Variants in GALNT17 observed in about 807,000 individuals in gnomAD.
GALNT17 encodes polypeptide N-acetylgalactosaminyltransferase 17.
GALNT17 carries 29 observed loss-of-function variants against 63.7 expected under a neutral mutation model. The observed-to-expected ratio is 0.46, with a 90% CI of 0.34 to 0.62. The LOEUF is 0.62. Among genes scored for constraint, GALNT17 ranks in the 20% least tolerant of loss-of-function variants. The pLI is 0.01. For missense variants in GALNT17, 603 were observed against 799.6 expected, an observed-to-expected ratio of 0.75 and a Z score of 2.97; for synonymous variants, 305 against 318.3, an observed-to-expected ratio of 0.96 and a Z score of 0.45.
At chr7:71,284,484 C>G (rs1790836351) in intron 1 of GALNT17, 1 of 152,182 alleles carries the variant, frequency 6.6e-6, no homozygotes, top group African/African-American at 2.4e-5. Flanking sequence ...GCGTGAGCCA[C>G]CACACCAGGC....
chr7:71,547,637 G>A (rs568926819), intron 5 of GALNT17, among the ~76,000 whole-genome samples: 21 of 152,176 alleles, frequency 1.4e-4, no homozygotes, highest in African/African-American at 4.8e-4. Flanking sequence ...GCCTGCAGCA[G>A]GAGTGAAACC....
intron 1 of GALNT17, among the ~76,000 whole-genome samples, chr7:71,204,332 G>C (rs1562912455): frequency 1.3e-5 from 2 of 152,106 alleles, no homozygotes; most frequent in East Asian, 3.9e-4. Context: ...CAGGTAGTGT[G>C]ATGCCTCCAG....
intron 5 of GALNT17, among the ~76,000 whole-genome samples, chr7:71,527,435 G>A (rs1162843053): frequency 6.6e-6 from 1 of 152,168 alleles, no homozygotes; most frequent in Non-Finnish European, 1.5e-5. Context: ...GTAATTGAAA[G>A]GAGCCCTGAG....
At chr7:71,143,889 AAAG>A (rs1309491884) in intron 1 of GALNT17, among the ~76,000 whole-genome samples, 1 of 151,836 alleles carries the variant, frequency 6.6e-6, no homozygotes, top group Non-Finnish European at 1.5e-5. Context: ...AAAAAAAAAA[AAAG>A]AGTGCAGCAG....
intron 6 of GALNT17, among the ~76,000 whole-genome samples, chr7:71,629,854 T>C (rs1455875903): frequency 6.6e-6 from 1 of 152,200 alleles, no homozygotes; most frequent in African/African-American, 2.4e-5. Context: ...ACTCCTGAAC[T>C]CAAGCAGTCC....
At chr7:71,241,416 C>T (rs1172534786) in intron 1 of GALNT17, among the ~76,000 whole-genome samples, 1 of 152,166 alleles carries the variant, frequency 6.6e-6, no homozygotes, top group African/African-American at 2.4e-5. Flanking sequence ...ATGATACTTC[C>T]CAGCTTCTCT....
At chr7:71,573,240 C>G (rs1789480085) in intron 6 of GALNT17, among the ~76,000 whole-genome samples, 2 of 152,022 alleles carry the variant, frequency 1.3e-5, no homozygotes, top group Admixed American at 1.3e-4. Context: ...GAACTCCTGA[C>G]CTTAGCTGAT....
rs1178665052 is a variant in GALNT17, at chr7:71,553,425, T to A, written c.963-17860T>A. On this transcript the variant is annotated intron_variant, in intron 5 of 10. Coordinates refer to ENST00000333538, the MANE Select transcript of GALNT17 (RefSeq NM_022479.3). ...ACAGTCTCAGAGGCAGAAGTCATTA[T>A]TATCCTTTATGATAAATTCCTAAGA... Among the ~76,000 whole-genome samples, 3 of 152,188 alleles carry A rather than the reference T, an allele frequency of 2.0e-5. No homozygotes were observed. The East Asian group carries it at 5.8e-4, about 29-fold the overall frequency.
In GALNT17 at chr7:71,599,598, G is replaced by A. The variant is rs190001000; in HGVS notation, c.1080+28196G>A. Among the ~76,000 whole-genome samples, 676 of 152,102 alleles carry A rather than the reference G, an allele frequency of 4.4e-3. 15 individuals are homozygous for A. Among genetic ancestry groups the A allele is most frequent in the Non-Finnish European group, 6.0e-3 (407 of 68,000 alleles). On this transcript the variant is annotated intron_variant, in intron 6 of 10. Transcript: ENST00000333538. ...AGCCTAGGCTGTTTCTTCTGCCTGA[G>A]TTGAGGACCCTAGAGGGCACTTGGG...
chr7:71,615,653 T>C (rs1790191317), intron 6 of GALNT17, among the ~76,000 whole-genome samples: 1 of 152,062 alleles, frequency 6.6e-6, no homozygotes, highest in Non-Finnish European at 1.5e-5. Flanking sequence ...ATTTTTTGTA[T>C]TTTTAGTAGA....
chr7:71,698,938 G>A lies in GALNT17; in HGVS notation c.1501-11823G>A, dbSNP rs1349104075. Reference sequence around the variant, plus strand: ...TGTAATCCCAGCACTTTGAGAGGCCGAGGGGGGCAGATTGCCAGAACTCAG... The same window carrying A: ...TGTAATCCCAGCACTTTGAGAGGCCAAGGGGGGCAGATTGCCAGAACTCAG... On this transcript the variant is annotated intron_variant, in intron 9 of 10. Coordinates refer to ENST00000333538, the MANE Select transcript of GALNT17 (RefSeq NM_022479.3). Among the ~76,000 whole-genome samples, 5 of 151,942 alleles carry A rather than the reference G, an allele frequency of 3.3e-5. No individual in the cohort carries two copies. The East Asian group carries it at 5.8e-4, about 18-fold the overall frequency.
chr7:71,506,698 T>A (rs971918011), intron 5 of GALNT17, among the ~76,000 whole-genome samples: 1 of 152,258 alleles, frequency 6.6e-6, no homozygotes, highest in Non-Finnish European at 1.5e-5. Context: ...AGTTAGCGTG[T>A]CTATCATCTC....
Position 71,377,114 on chromosome 7 carries a change from A to AAAAAAATATATATATATAT in GALNT17, c.423-11120_423-11119insAAAAATATATATATATATA. On this transcript the variant is annotated intron_variant, in intron 2 of 10. Coordinates refer to ENST00000333538, the MANE Select transcript of GALNT17 (RefSeq NM_022479.3). ...AAAAAAAAAAAATAAAAATAAAAAA[A>AAAAAAATATATATATATAT]ATATATATATATATATATATATATA... Among the ~76,000 whole-genome samples, 8 of 57,474 alleles carry AAAAAAATATATATATATAT rather than the reference A, an allele frequency of 1.4e-4. 1 individual carries two copies. Among genetic ancestry groups the AAAAAAATATATATATATAT allele is most frequent in the African/African-American group, 2.8e-4 (3 of 10,658 alleles). The allele number at this position is 57,474 out of a possible 152,430, so 37.7% of individuals were successfully genotyped here.
chr7:71,547,197 T>C (rs755077679), intron 5 of GALNT17, among the ~76,000 whole-genome samples: 20 of 144,558 alleles, frequency 1.4e-4, no homozygotes, highest in Non-Finnish European at 2.0e-4. Flanking sequence ...AGGAGTTTCA[T>C]TGTGTCACCC....
At chr7:71,202,115 T>G (rs1261137748) in intron 1 of GALNT17, among the ~76,000 whole-genome samples, 2 of 152,166 alleles carry the variant, frequency 1.3e-5, no homozygotes, top group East Asian at 3.9e-4. Context: ...CAAATAGTAT[T>G]TTTTTCTCTC....
At position 71,382,743 on chromosome 7, in the gene GALNT17, G is replaced by A. The variant is rs568572556; in HGVS notation, c.423-5492G>A. ...TCTTTTCCAAACCAAAGGGCAGTGCGTTCATTCGGGTTCCCTAGAGAAAGA... is the reference window on the plus strand; with the variant it reads ...TCTTTTCCAAACCAAAGGGCAGTGCATTCATTCGGGTTCCCTAGAGAAAGA... On this transcript the variant is annotated intron_variant, in intron 2 of 10. Coordinates refer to ENST00000333538, the MANE Select transcript of GALNT17 (RefSeq NM_022479.3). Among the ~76,000 whole-genome samples the A allele has an allele frequency of 1.1e-4, 16 of 152,282 alleles. No individual in the cohort carries two copies. The South Asian group carries it at 2.1e-3, about 20-fold the overall frequency.
At chr7:71,450,290 AG>A (rs1445236703) in intron 5 of GALNT17, among the ~76,000 whole-genome samples, 1 of 151,874 alleles carries the variant, frequency 6.6e-6, no homozygotes, top group Non-Finnish European at 1.5e-5. Context: ...ATGTGCCACA[AG>A]GTCTAGCTAA....
intron 5 of GALNT17, among the ~76,000 whole-genome samples, chr7:71,510,123 A>G (rs537325395): frequency 1.3e-5 from 2 of 151,760 alleles, no homozygotes; most frequent in East Asian, 3.9e-4. Context: ...GTTTTTTAAT[A>G]TTTTGTAGAG....
At chr7:71,158,955 G>C (rs1238095359) in intron 1 of GALNT17, among the ~76,000 whole-genome samples, 1 of 151,820 alleles carries the variant, frequency 6.6e-6, no homozygotes, top group African/African-American at 2.4e-5. Flanking sequence ...TCTGTTTGCT[G>C]GTAGTACAAT....
Sources: allele counts gnomAD v4.1 joint callset (sites outside exome capture counted in the v4.1 genomes callset), GRCh38; gene constraint gnomAD v4.1.1; transcripts MANE v1.5; gene names NCBI Gene and HGNC (gene_info 2026-07-23, HGNC 2026-07-21).